The following RCOR1 variants were observed in gnomAD, a reference collection of about 807,000 sequenced individuals.
RCOR1 encodes the protein REST corepressor 1.
A neutral mutation model predicts 64.0 loss-of-function variants in RCOR1; 12 were observed. The observed-to-expected ratio is 0.19, with a 90% confidence interval of 0.12 to 0.30. RCOR1 has a LOEUF of 0.30. Among genes scored for constraint, RCOR1 ranks in the 10% least tolerant of loss-of-function variants. The probability of loss-of-function intolerance (pLI) is 1.00; values close to 1 mark genes in which losing one functional copy is unlikely to be tolerated. For synonymous variants in RCOR1, 279 were observed against 227.2 expected (o/e 1.23, Z -2.05); for missense variants, 502 against 621.2 (o/e 0.81, Z 2.04).
rs570986868 is a variant in RCOR1 at position 102,720,863 on chromosome 14, C to A, written c.1054-144C>A. 39 of 551,860 alleles carry A rather than the reference C, an allele frequency of 7.1e-5. No homozygotes were observed. In the South Asian group the frequency reaches 9.6e-4, roughly 14 times the overall value. The allele number at this position is 551,860 out of a possible 1,614,324, so 34.2% of individuals were successfully genotyped here. ...ACCTAGTTAGATGCTTCAAAGGATA[C>A]CATAGGGATCTCAGAATTCAGCTAC... On this transcript the variant is annotated intron_variant, in intron 8 of 11. Transcript: ENST00000262241.
At chr14:102,715,853 C>T (rs973439548) in intron 8 of RCOR1, among the ~76,000 whole-genome samples, 1 of 152,182 alleles carries the variant, frequency 6.6e-6, no homozygotes, top group Admixed American at 6.5e-5. Context: ...TGCACATCAG[C>T]GTTTCCCAGC....
chr14:102,642,041 G>A (rs1894380959), intron 2 of RCOR1, among the ~76,000 whole-genome samples: 1 of 152,138 alleles, frequency 6.6e-6, no homozygotes, highest in Non-Finnish European at 1.5e-5. Context: ...GATTTGATAA[G>A]GTCCATTATT....
At chr14:102,726,323 T>TC (rs1896260995) in intron 11 of RCOR1, 145 bp from the exon 12 acceptor site, 1 of 694,756 alleles carries the variant, frequency 1.4e-6, no homozygotes, top group East Asian at 2.8e-5. Flanking sequence ...GAGACCTGTC[T>TC]CCCCTCCAAA....
intron 2 of RCOR1, among the ~76,000 whole-genome samples, chr14:102,642,453 CAT>C (rs1171400484): frequency 4.6e-5 from 7 of 152,248 alleles, no homozygotes; most frequent in Admixed American, 3.3e-4. Flanking sequence ...ATATTTGTCT[CAT>C]AGGGTTGATA....
At chr14:102,667,313 C>T (rs947732190) in intron 2 of RCOR1, among the ~76,000 whole-genome samples, 3 of 152,064 alleles carry the variant, frequency 2.0e-5, no homozygotes, top group Non-Finnish European at 4.4e-5. Context: ...CCAGCCTGGC[C>T]AACATGGTGA....
chr14:102,663,045 G>A (rs1184930416), intron 2 of RCOR1, among the ~76,000 whole-genome samples: 2 of 152,138 alleles, frequency 1.3e-5, no homozygotes, highest in Non-Finnish European at 2.9e-5. Flanking sequence ...GGACCTGGTG[G>A]TAGATAATTG....
At chr14:102,610,972 TA>T (rs11357036) in intron 2 of RCOR1, among the ~76,000 whole-genome samples, 95,095 of 151,936 alleles carry the variant, frequency 0.63, 30,842 homozygotes, top group South Asian at 0.72. Flanking sequence ...TGAATTCCTC[TA>T]GGGGTGTATT....
At chr14:102,647,437 C>T (rs923317371) in intron 2 of RCOR1, among the ~76,000 whole-genome samples, 11 of 152,230 alleles carry the variant, frequency 7.2e-5, no homozygotes, top group African/African-American at 2.4e-4. Flanking sequence ...CTGCCTCAGC[C>T]TCCCAAGTAG....
At chr14:102,608,256 C>T (rs1056664240) in intron 2 of RCOR1, among the ~76,000 whole-genome samples, 2 of 152,122 alleles carry the variant, frequency 1.3e-5, no homozygotes, top group African/African-American at 4.8e-5. Flanking sequence ...CACTAACCTG[C>T]TTTTTGTTTC....
chr14:102,648,132 G>T (rs2139926864), intron 2 of RCOR1, among the ~76,000 whole-genome samples: 1 of 151,968 alleles, frequency 6.6e-6, no homozygotes, highest in Middle Eastern at 3.4e-3. Context: ...AAGCTGGAAT[G>T]TAGTGGCGTG....
At chr14:102,631,155 T>G (rs1188062092) in intron 2 of RCOR1, among the ~76,000 whole-genome samples, 3 of 151,934 alleles carry the variant, frequency 2.0e-5, no homozygotes, top group African/African-American at 7.3e-5. Flanking sequence ...CTGTGAGAAG[T>G]GACTGCATGG....
At chr14:102,640,345 C>G (rs1272335606) in intron 2 of RCOR1, among the ~76,000 whole-genome samples, 2 of 152,156 alleles carry the variant, frequency 1.3e-5, no homozygotes. Context: ...AGCCTGTCCT[C>G]TTCAGCTAAA....
chr14:102,717,788 G>C (rs973075183), intron 8 of RCOR1, among the ~76,000 whole-genome samples: 1 of 152,116 alleles, frequency 6.6e-6, no homozygotes, highest in African/African-American at 2.4e-5. Context: ...TTAGTTTTCA[G>C]AGCAGGGTCA....
chr14:102,637,650 A>C (rs890976928), intron 2 of RCOR1, among the ~76,000 whole-genome samples: 16 of 151,276 alleles, frequency 1.1e-4, no homozygotes, highest in Non-Finnish European at 1.9e-4. Flanking sequence ...GATTTTTGCC[A>C]TGTTGCCCAG....
At chr14:102,708,807 AT>A (rs200106740) in intron 6 of RCOR1, among the ~76,000 whole-genome samples, 5 of 151,978 alleles carry the variant, frequency 3.3e-5, no homozygotes, top group South Asian at 2.1e-4. Flanking sequence ...ACTTTGACCC[AT>A]TTTTTTTCCT....
At chr14:102,656,823 T>G (rs1212005010) in intron 2 of RCOR1, among the ~76,000 whole-genome samples, 2 of 150,862 alleles carry the variant, frequency 1.3e-5, no homozygotes, top group Admixed American at 6.7e-5. Flanking sequence ...TCGCCCAGGG[T>G]GTAGTGCAGT....
At chr14:102,638,238 A>G (rs529033063) in intron 2 of RCOR1, among the ~76,000 whole-genome samples, 6 of 152,236 alleles carry the variant, frequency 3.9e-5, no homozygotes, top group Non-Finnish European at 8.8e-5. Context: ...AATTGTGTTT[A>G]AAAACACCAG....
intron 3 of RCOR1, among the ~76,000 whole-genome samples, chr14:102,683,186 T>C (rs1194812607): frequency 1.3e-5 from 2 of 152,164 alleles, no homozygotes; most frequent in Non-Finnish European, 2.9e-5. Flanking sequence ...CTGATTACAA[T>C]CGTTTTAAGT....
intron 2 of RCOR1, among the ~76,000 whole-genome samples, chr14:102,662,951 C>T (rs947918825): frequency 2.6e-5 from 4 of 152,124 alleles, no homozygotes; most frequent in African/African-American, 9.7e-5. Context: ...AACTTATTTA[C>T]AGTACACTTA....
Sources: gnomAD v4.1 joint callset for allele counts (sites outside exome capture counted in the v4.1 genomes callset) on GRCh38, gnomAD v4.1.1 for gene constraint, MANE v1.5 for transcripts, NCBI Gene and HGNC (gene_info 2026-07-23, HGNC 2026-07-21) for gene names.